Variants in TREM2 observed in about 807,000 individuals in gnomAD.
TREM2 encodes triggering receptor expressed on monocytes 2.
A neutral mutation model predicts 22.9 loss-of-function variants in TREM2; 20 were observed. The observed-to-expected ratio is 0.87, with a 90% CI of 0.61 to 1.27. The LOEUF (loss-of-function observed/expected upper bound fraction) is 1.27. Among genes scored for constraint, TREM2 ranks in the 50% most tolerant of loss-of-function variants. The pLI, the probability that TREM2 is intolerant of heterozygous loss-of-function variation, is 0.00. For missense variants in TREM2, 267 were observed against 289.0 expected (o/e 0.92, Z 0.55); for synonymous variants, 111 against 120.9 (o/e 0.92, Z 0.54).
chr6:41,162,908 G>T, intron 1 of TREM2, 135 bp downstream of exon 1: 1 of 1,126,040 alleles, frequency 8.9e-7, no homozygotes, highest in Non-Finnish European at 1.3e-6. Context: ...GAGGAGAGGA[G>T]TGCAGAACAG....
In TREM2 at chr6:41,158,602, C is replaced by G; in HGVS notation, c.*162G>C. ...GGTGTTCTTACCACCTCCCCACTCC[C>G]TCAACCAGTCCCTGCTTCCAGGGTC... On this transcript the variant is annotated 3_prime_UTR_variant, in exon 5 of 5. Coordinates refer to ENST00000373113, the MANE Select transcript of TREM2 (RefSeq NM_018965.4). 1 of 1,564,236 alleles carries G rather than the reference C, an allele frequency of 6.4e-7. No homozygotes were observed. The highest frequency in any genetic ancestry group is 8.7e-7 in the Non-Finnish European group (1 of 1,153,526).
At position 41,159,823 on chromosome 6, in the gene TREM2, C is replaced by T. The variant is rs79011726; in HGVS notation, c.451G>A (p.Glu151Lys). ...ATGCTGTGCTCCACATGGGCATCCT[C>T]GAAGCTCTCAGACTCCCCGGGGAAC... ...LWFPGESESF[E>K]DAHVEHSISR... The change falls in exon 3 of 5, where the codon GAG becomes AAG. Residue 151 changes from glutamate to lysine, a missense_variant. Transcript: ENST00000373113. 2.8e-4 allele frequency: 450 copies of T among 1,614,140 alleles called. No individual in the cohort carries two copies. The highest frequency in any genetic ancestry group is 2.0e-3 in the Middle Eastern group (12 of 6,062).
rs558684978 is a variant in TREM2 at position 41,159,009 on chromosome 6, G to C, written c.540C>G (p.Ala180=). 3 of 1,614,224 alleles carry C rather than the reference G, an allele frequency of 1.9e-6. No homozygotes were observed. Among genetic ancestry groups the C allele is most frequent in the African/African-American group, 1.3e-5 (1 of 75,066 alleles). The change falls in exon 4 of 5, where the codon GCC becomes GCG. Residue 180 remains alanine (A), a synonymous_variant. Coordinates refer to ENST00000373113, the MANE Select transcript of TREM2 (RefSeq NM_018965.4). ...CTAGAATCTTGATGAGAAAGATGCA[G>C]GCCAGGAGGAGAAGGATGGAAGTGG... ...FPPTSILLLL[A]CIFLIKILAA...
At chr6:41,162,390 A>G (rs1765590244) in intron 1 of TREM2, among the ~76,000 whole-genome samples, 1 of 152,104 alleles carries the variant, frequency 6.6e-6, no homozygotes, top group East Asian at 1.9e-4. Flanking sequence ...ACCACCATCT[A>G]AGAAGCTGCA....
rs554863014 is a variant in TREM2, at chr6:41,159,902, G to A, written c.392-20C>T. On this transcript the variant is annotated intron_variant, in intron 2 of 4. Coordinates refer to ENST00000373113, the MANE Select transcript of TREM2 (RefSeq NM_018965.4). ...GGGGGTCTATGGGAGGCAGAGCCAT[G>A]AGCCTCCAGCCCCTTCCTCCTCGAG... 4.4e-6 allele frequency: 7 copies of A among 1,605,720 alleles called. No homozygotes were observed. Among genetic ancestry groups the A allele is most frequent in the East Asian group, 4.5e-5 (2 of 44,796 alleles).
Position 41,158,671 on chromosome 6 carries a change from G to T in TREM2, c.*93C>A. 1 of 1,612,716 alleles carries T rather than the reference G, an allele frequency of 6.2e-7. No homozygotes were observed. Among genetic ancestry groups the T allele is most frequent in the Non-Finnish European group, 8.5e-7 (1 of 1,179,354 alleles). ...GGCAGAGTAGTCTCTTGCCAGAGCA[G>T]AACAAGGAGTCCTGGTGGCCAAGTG... is the stretch of plus-strand genomic sequence containing the variant. On this transcript the variant is annotated 3_prime_UTR_variant, in exon 5 of 5. Transcript: ENST00000373113.
At chr6:41,159,374 G>A (rs539763726) in intron 3 of TREM2, among the ~76,000 whole-genome samples, 64 of 152,280 alleles carry the variant, frequency 4.2e-4, no homozygotes, top group African/African-American at 1.5e-3. Flanking sequence ...TATGAACAAC[G>A]TTTAAACACC....
chr6:41,158,768 G>A lies in TREM2; in HGVS notation c.689C>T (p.Thr230Met), dbSNP rs368921728. Reference sequence around the variant, plus strand: ...TTTTCCTCCCATCATCTTCCTTCACGTGTCTCTCAGCCCTGCAATAGTCCA... The same window carrying A: ...TTTTCCTCCCATCATCTTCCTTCACATGTCTCTCAGCCCTGCAATAGTCCA... ...QLQTLPGLRD[T>M] Residue 230 changes from threonine to methionine, a missense_variant, in exon 5 of 5, where the codon ACG (threonine) becomes ATG (methionine). Transcript: ENST00000373113. 2.9e-5 allele frequency: 47 copies of A among 1,614,048 alleles called. No individual in the cohort carries two copies. Among genetic ancestry groups the A allele is most frequent in the South Asian group, 1.5e-4 (14 of 91,088 alleles).
Position 41,163,094 on chromosome 6 carries a change from C to T in TREM2, c.-12G>A. ...CGGAGAGGCTCCATGCCACCCTTCC[C>T]CAGCCAAGGGCAGAAGCAGAGTGCC... On this transcript the variant is annotated 5_prime_UTR_variant, in exon 1 of 5. Coordinates refer to ENST00000373113, the MANE Select transcript of TREM2 (RefSeq NM_018965.4). 1 of 1,614,062 alleles carries T rather than the reference C, an allele frequency of 6.2e-7. No individual in the cohort carries two copies. The highest frequency in any genetic ancestry group is 1.1e-5 in the South Asian group (1 of 91,062).
At chr6:41,159,968 G>A (rs1765518960) in intron 2 of TREM2, 86 bp from the exon 3 acceptor site, 1 of 1,074,388 alleles carries the variant, frequency 9.3e-7, no homozygotes, top group Non-Finnish European at 1.4e-6. Flanking sequence ...TATGGGTGGG[G>A]TGAGGTCCCC....
chr6:41,159,792 C>T lies in TREM2; in HGVS notation c.482G>A (p.Arg161Lys). The change falls in exon 3 of 5, where the codon AGG becomes AAG. Residue 161 changes from arginine (R) to lysine (K), a missense_variant and splice_region_variant. By Grantham distance (26) the Arg-to-Lys change is conservative. Coordinates refer to ENST00000373113, the MANE Select transcript of TREM2 (RefSeq NM_018965.4). ...EDAHVEHSIS[R>K]SLLEGEIPFP... ...TTTTAGGAAAGACCCATCGCTGTAC[C>T]TGGAGATGCTGTGCTCCACATGGGC... 4 of 1,614,048 alleles carry T rather than the reference C, an allele frequency of 2.5e-6. No individual in the cohort carries two copies. The highest frequency in any genetic ancestry group is 2.5e-6 in the Non-Finnish European group (3 of 1,179,938).
chr6:41,163,001 G>C (rs369487317), intron 1 of TREM2, 42 bp downstream of exon 1: 18 of 1,613,894 alleles, frequency 1.1e-5, no homozygotes, highest in Non-Finnish European at 1.5e-5. Context: ...CATGCTCAAA[G>C]TGAGGGAGAG....
chr6:41,161,673 T>C, intron 1 of TREM2, 60 bp from the exon 2 acceptor site: 5 of 1,445,328 alleles, frequency 3.5e-6, no homozygotes, highest in Non-Finnish European at 4.8e-6. Context: ...ACACTTGCTC[T>C]GTGCAGTGAC....
rs1765503666 is a variant in TREM2 at position 41,159,481 on chromosome 6, A to C, written c.482+311T>G. On this transcript the variant is annotated intron_variant, in intron 3 of 4. Transcript: ENST00000373113. ...TTTGTACTAAAGTACTAAAACATTC[A>C]TTGTTGCTGAATTATGGGGATGTCT... Among the ~76,000 whole-genome samples, 4 of 152,044 alleles carry C rather than the reference A, an allele frequency of 2.6e-5. No individual in the cohort carries two copies. In the South Asian group the frequency reaches 6.2e-4, roughly 24 times the overall value.
At position 41,158,996 on chromosome 6, in the gene TREM2, T is replaced by C. The variant is rs1765489868; in HGVS notation, c.553A>G (p.Ile185Val). The C allele has an allele frequency of 1.2e-6, 2 of 1,613,968 alleles. No individual in the cohort carries two copies. The highest frequency in any genetic ancestry group is 1.7e-5 in the Admixed American group (1 of 60,010). Reference sequence around the variant, plus strand: ...AGGGCGCTGGCTGCTAGAATCTTGATGAGAAAGATGCAGGCCAGGAGGAGA... The same window carrying C: ...AGGGCGCTGGCTGCTAGAATCTTGACGAGAAAGATGCAGGCCAGGAGGAGA... ...ILLLLACIFLIKILAASALWA... is the reference protein window; with the variant it reads ...ILLLLACIFLVKILAASALWA... Residue 185 changes from isoleucine to valine, a missense_variant, in exon 4 of 5, where the codon ATC becomes GTC. Ile to Val is a conservative substitution (Grantham distance 29). Transcript: ENST00000373113.
At chr6:41,159,631 T>C (rs1217217579) in intron 3 of TREM2, among the ~76,000 whole-genome samples, 161 bp downstream of exon 3, 1 of 152,104 alleles carries the variant, frequency 6.6e-6, no homozygotes, top group African/African-American at 2.4e-5. Context: ...CTAACTAACA[T>C]GTAGCAGCTG....
intron 1 of TREM2, 29 bp downstream of exon 1, chr6:41,163,014 G>A (rs775046109): frequency 1.9e-6 from 3 of 1,613,964 alleles, no homozygotes; most frequent in African/African-American, 2.7e-5. Context: ...AGGGAGAGAA[G>A]GCATCACAGG....
Position 41,161,275 on chromosome 6 carries a change from C to T in TREM2, c.379G>A (p.Glu127Lys). 1 of 1,613,918 alleles carries T rather than the reference C, an allele frequency of 6.2e-7. No homozygotes were observed. Among genetic ancestry groups the T allele is most frequent in the South Asian group, 1.1e-5 (1 of 91,064 alleles). Residue 127 changes from glutamate (E) to lysine (K), a missense_variant, in exon 2 of 5, where the codon GAG (glutamate) becomes AAG (lysine). Coordinates refer to ENST00000373113, the MANE Select transcript of TREM2 (RefSeq NM_018965.4). ...EADTLRKVLVEVLADPLDHRD... is the reference protein window; with the variant it reads ...EADTLRKVLVKVLADPLDHRD... ...ACTGCCCACTCACCTGCCAGCACCT[C>T]CACCAGGACCTTCCTGAGGGTGTCA...
chr6:41,161,455 G>A lies in TREM2; in HGVS notation c.199C>T (p.His67Tyr), dbSNP rs1404747261. ...AGGAAGGACAGCAGCCACAAGTTGT[G>A]CGTGCTGACCACACGCTGGCATGGG... Reference protein sequence around the residue: ...KGPCQRVVSTHNLWLLSFLRR... With the variant: ...KGPCQRVVSTYNLWLLSFLRR... Residue 67 changes from histidine to tyrosine, a missense_variant, in exon 2 of 5, where the codon CAC becomes TAC. Coordinates refer to ENST00000373113, the MANE Select transcript of TREM2 (RefSeq NM_018965.4). 1 of 1,614,142 alleles carries A rather than the reference G, an allele frequency of 6.2e-7. No homozygotes were observed. Among genetic ancestry groups the A allele is most frequent in the African/African-American group, 1.3e-5 (1 of 74,940 alleles).
Sources: gnomAD v4.1 joint callset for allele counts (sites outside exome capture counted in the v4.1 genomes callset) on GRCh38, gnomAD v4.1.1 for gene constraint, MANE v1.5 for transcripts, NCBI Gene and HGNC (gene_info 2026-07-23, HGNC 2026-07-21) for gene names.